Variants in ARHGAP21 observed in about 807,000 individuals in gnomAD.
The protein encoded by ARHGAP21 is Rho GTPase activating protein 21, also known as rho GTPase-activating protein 21.
ARHGAP21 carries 38 observed loss-of-function variants against 164.6 expected under a neutral mutation model. The observed-to-expected ratio is 0.23, with a 90% CI of 0.18 to 0.30. The LOEUF is 0.30. Ranked by LOEUF, ARHGAP21 falls within the 10% of genes least tolerant of loss-of-function variation. ARHGAP21 has a pLI of 1.00. For synonymous variants in ARHGAP21, 766 were observed against 857.9 expected, an observed-to-expected ratio of 0.89 and a Z score of 1.87; for missense variants, 1,822 against 2,370.7, an observed-to-expected ratio of 0.77 and a Z score of 4.81.
Position 24,607,529 on chromosome 10 carries a change from C to A in ARHGAP21, c.2654G>T (p.Gly885Val), listed in dbSNP as rs1271632599. 3.1e-6 allele frequency: 5 copies of A among 1,613,666 alleles called. No homozygotes were observed. Among genetic ancestry groups the A allele is most frequent in the East Asian group, 2.2e-5 (1 of 44,886 alleles). Reference protein sequence around the residue: ...KTERSKSYDEGLDDYREDAKL... With the variant: ...KTERSKSYDEVLDDYREDAKL... ...TGCATCTTCTCTGTAATCATCCAGA[C>A]CCTCATCATATGATTTTGATCTTTC... Residue 885 changes from glycine (G) to valine (V), a missense_variant, in exon 11 of 26, where the codon GGT becomes GTT. Gly to Val is a moderately radical substitution (Grantham distance 109, BLOSUM62 -3). Transcript: ENST00000396432.
chr10:24,648,609 G>T (rs1288970227), intron 4 of ARHGAP21, among the ~76,000 whole-genome samples: 1 of 152,042 alleles, frequency 6.6e-6, no homozygotes, highest in African/African-American at 2.4e-5. Context: ...GTGAAACCCT[G>T]TCTCTACTAA....
chr10:24,608,216 C>T (rs914355300), intron 9 of ARHGAP21, among the ~76,000 whole-genome samples: 1 of 152,124 alleles, frequency 6.6e-6, no homozygotes, highest in Non-Finnish European at 1.5e-5. Context: ...CAAACCAGAG[C>T]AATAATCATG....
intron 9 of ARHGAP21, among the ~76,000 whole-genome samples, chr10:24,611,124 C>A (rs1163754202): frequency 6.6e-6 from 1 of 152,174 alleles, no homozygotes; most frequent in Non-Finnish European, 1.5e-5. Context: ...ACAGGAGCGG[C>A]TGGCCCTCCT....
At chr10:24,607,690 C>T (rs2077086411) in intron 10 of ARHGAP21, 55 bp downstream of exon 10, 3 of 1,610,578 alleles carry the variant, frequency 1.9e-6, no homozygotes, top group South Asian at 1.1e-5. Context: ...TCATACTATT[C>T]TAAGTGGAAA....
chr10:24,585,766 T>A lies in ARHGAP21; in HGVS notation c.4523A>T (p.Asn1508Ile), dbSNP rs778907197. 13 of 1,613,716 alleles carry A rather than the reference T, an allele frequency of 8.1e-6. No homozygotes were observed. The African/African-American group carries it at 1.5e-4, about 18-fold the overall frequency. The part of the protein sequence containing the change: ...TPSEEPSPPH[N>I]SKHNKSPTLS... ...AGTTGGTGACTTGTTGTGTTTTGAG[T>A]TGTGTGGTGGTGAGGGTTCTTCAGA... is the stretch of plus-strand genomic sequence containing the variant. The change falls in exon 26 of 26, where the codon AAC becomes ATC. Residue 1508 changes from asparagine (N) to isoleucine (I), a missense_variant. Transcript: ENST00000396432.
At chr10:24,615,606 GCT>G (rs1304672551) in intron 9 of ARHGAP21, among the ~76,000 whole-genome samples, 4 of 152,146 alleles carry the variant, frequency 2.6e-5, no homozygotes, top group South Asian at 2.1e-4. Context: ...CAGGCAATCG[GCT>G]CTGTCAGTTC....
At chr10:24,712,082 T>C (rs1181001650) in intron 2 of ARHGAP21, among the ~76,000 whole-genome samples, 1 of 152,078 alleles carries the variant, frequency 6.6e-6, no homozygotes, top group Non-Finnish European at 1.5e-5. Context: ...ACCCAGCTAA[T>C]TTTTTGTATT....
At chr10:24,586,377 T>A (rs1434713524) in intron 25 of ARHGAP21, among the ~76,000 whole-genome samples, 18 of 152,308 alleles carry the variant, frequency 1.2e-4, no homozygotes, top group African/African-American at 4.3e-4. Context: ...AGTCTGTGCT[T>A]AGTGCTGATT....
Position 24,620,190 on chromosome 10 carries a change from T to C in ARHGAP21, c.1705A>G (p.Asn569Asp). Residue 569 changes from asparagine (N) to aspartate (D), a missense_variant, in exon 9 of 26, where the codon AAC becomes GAC. By Grantham distance (23) the Asn-to-Asp change is conservative. Transcript: ENST00000396432. ...TVAPSVVNSD[N>D]RRMSGRGVGS... ...ACTCCTCTACCACTCATTCGCCTGT[T>C]ATCAGAATTAACAACGCTTGGAGCC... 1 of 1,613,996 alleles carries C rather than the reference T, an allele frequency of 6.2e-7. No individual in the cohort carries two copies. Among genetic ancestry groups the C allele is most frequent in the Non-Finnish European group, 8.5e-7 (1 of 1,179,874 alleles).
At chr10:24,713,107 T>C (rs1356212392) in intron 2 of ARHGAP21, among the ~76,000 whole-genome samples, 1 of 152,156 alleles carries the variant, frequency 6.6e-6, no homozygotes, top group East Asian at 1.9e-4. Flanking sequence ...CTCCACATTG[T>C]GAGTAAGGAG....
chr10:24,612,931 A>G (rs1363791817), intron 9 of ARHGAP21, among the ~76,000 whole-genome samples: 1 of 152,184 alleles, frequency 6.6e-6, no homozygotes, highest in Non-Finnish European at 1.5e-5. Context: ...TCTGAGATAT[A>G]CACTCAATTT....
At position 24,585,753 on chromosome 10, in the gene ARHGAP21, G is replaced by T. The variant is rs777478309; in HGVS notation, c.4536C>A (p.Asn1512Lys). 2.5e-6 allele frequency: 4 copies of T among 1,613,174 alleles called. No homozygotes were observed. Among genetic ancestry groups the T allele is most frequent in the Non-Finnish European group, 3.4e-6 (4 of 1,179,144 alleles). Residue 1512 changes from asparagine (N) to lysine (K), a missense_variant, in exon 26 of 26, where the codon AAC (asparagine) becomes AAA (lysine). Asn to Lys is a moderately conservative substitution (Grantham distance 94). This residue lies in a region of ARHGAP21 where 333 missense variants were observed against 383.9 expected (regional missense o/e 0.87). Coordinates refer to ENST00000396432, the MANE Select transcript of ARHGAP21 (RefSeq NM_020824.4). ...EPSPPHNSKH[N>K]KSPTLSCRFA... The stretch of plus-strand genomic sequence containing the variant: ...AGCGACAGCTGAGAGTTGGTGACTT[G>T]TTGTGTTTTGAGTTGTGTGGTGGTG...
intron 9 of ARHGAP21, among the ~76,000 whole-genome samples, chr10:24,615,547 T>G (rs774954030): frequency 1.2e-4 from 18 of 152,184 alleles, no homozygotes; most frequent in Non-Finnish European, 1.8e-4. Context: ...AGATTTAAAT[T>G]TTTGCTCATT....
At position 24,621,007 on chromosome 10, in the gene ARHGAP21, A is replaced by G; in HGVS notation, c.888T>C (p.His296=). ...SNRNNHTGPS[H]RTEEVRYGVS... is the part of the protein sequence containing the mutation. ...CGCCATACCTCACTTCTTCAGTTCT[A>G]TGTGAAGGACCTGTATGGTTGTTTC... The change falls in exon 9 of 26, where the codon CAT becomes CAC. Residue 296 remains histidine (H), a synonymous_variant. Transcript: ENST00000396432. 2 of 1,614,012 alleles carry G rather than the reference A, an allele frequency of 1.2e-6. No individual in the cohort carries two copies. Among genetic ancestry groups the G allele is most frequent in the Non-Finnish European group, 1.7e-6 (2 of 1,179,872 alleles).
At chr10:24,644,676 T>C (rs919633858) in intron 4 of ARHGAP21, among the ~76,000 whole-genome samples, 3 of 152,110 alleles carry the variant, frequency 2.0e-5, no homozygotes, top group African/African-American at 7.2e-5. Flanking sequence ...AATTATCACC[T>C]CCTAATAAGC....
At chr10:24,723,404 C>G (rs1846126729) in intron 1 of ARHGAP21, among the ~76,000 whole-genome samples, 158 bp downstream of exon 1, 1 of 147,420 alleles carries the variant, frequency 6.8e-6, no homozygotes, top group African/African-American at 2.4e-5. Flanking sequence ...CCCTCCGCCC[C>G]CGCCGGGCGC....
chr10:24,631,003 G>A (rs1157508358), intron 6 of ARHGAP21, among the ~76,000 whole-genome samples: 1 of 152,080 alleles, frequency 6.6e-6, no homozygotes, highest in Non-Finnish European at 1.5e-5. Context: ...ATTTCCTGTT[G>A]AAAATGATAG....
At position 24,583,619 on chromosome 10, in the gene ARHGAP21, C is replaced by G. The variant is rs1184762242; in HGVS notation, c.*793G>C. On this transcript the variant is annotated 3_prime_UTR_variant, in exon 26 of 26. Transcript: ENST00000396432. ...AAGTTTCAAGCCATGCAAAATTCACCAAAACAATTTTTATTTCCAGTGTTT... is the reference window on the plus strand; with the variant it reads ...AAGTTTCAAGCCATGCAAAATTCACGAAAACAATTTTTATTTCCAGTGTTT... 6.6e-6 allele frequency: 1 copy of G among 152,538 alleles called. No homozygotes were observed. The highest frequency in any genetic ancestry group is 1.9e-4 in the East Asian group (1 of 5,192). 9.4% of individuals were successfully genotyped at this position (152,538 alleles called of 1,614,324 possible).
intron 2 of ARHGAP21, among the ~76,000 whole-genome samples, chr10:24,675,318 A>T (rs908470407): frequency 1.3e-5 from 2 of 152,242 alleles, no homozygotes; most frequent in East Asian, 3.8e-4. Flanking sequence ...GAAGAAGAGG[A>T]GGAGGAGAAG....
Sources: allele counts gnomAD v4.1 joint callset (sites outside exome capture counted in the v4.1 genomes callset), GRCh38; gene constraint gnomAD v4.1.1; regional missense constraint gnomAD v4.1.1; transcripts MANE v1.5; gene names NCBI Gene and HGNC (gene_info 2026-07-23, HGNC 2026-07-21).